Variants in RASSF8 observed in about 807,000 individuals in gnomAD.
RASSF8 encodes the protein Ras association domain family member 8.
RASSF8 carries 22 observed loss-of-function variants against 48.5 expected under a neutral mutation model. The ratio of observed to expected loss-of-function variants is 0.45; its 90% confidence interval spans 0.32 to 0.65. The LOEUF is 0.65. Ranked by LOEUF, RASSF8 falls within the 30% of genes least tolerant of loss-of-function variation. The pLI, the probability that RASSF8 is intolerant of heterozygous loss-of-function variation, is 0.03. For missense variants in RASSF8, 418 were observed against 489.2 expected (o/e 0.85, Z 1.37); for synonymous variants, 127 against 171.5 (o/e 0.74, Z 2.03).
In RASSF8 at chr12:26,020,169, G is replaced by C. The variant is rs907663199; in HGVS notation, c.-109+25039G>C. ...GGAGAGTGGTAGAGGCACAGAAGAT[G>C]ATGAGGCTGTTGAACTGTGGAGGCA... is the stretch of plus-strand genomic sequence containing the variant. On this transcript the variant is annotated intron_variant, in intron 2 of 5. Transcript: ENST00000689635. The C allele has an allele frequency of 3.9e-5, 6 of 152,174 alleles. 1 individual carries two copies. The highest frequency in any genetic ancestry group is 1.4e-4 in the African/African-American group (6 of 41,428). The allele number at this position is 152,174 out of a possible 1,614,324, so 9.4% of individuals were successfully genotyped here.
At position 26,070,965 on chromosome 12, in the gene RASSF8, G is replaced by A. The variant is rs1943986985; in HGVS notation, c.*2147G>A. On this transcript the variant is annotated 3_prime_UTR_variant, in exon 6 of 6. Transcript: ENST00000689635. ...TCCTAGCAACTTGTAGTAGTCTTGG[G>A]TTCCCAGCAGAGTATCACAGTTAAC... 1 of 984,386 alleles carries A rather than the reference G, an allele frequency of 1.0e-6. No homozygotes were observed. Among genetic ancestry groups the A allele is most frequent in the Non-Finnish European group, 1.2e-6 (1 of 829,168 alleles). The allele number at this position is 984,386 out of a possible 1,614,324, so 61.0% of individuals were successfully genotyped here.
At chr12:26,019,965 G>A (rs1942749148) in intron 2 of RASSF8, among the ~76,000 whole-genome samples, 3 of 152,164 alleles carry the variant, frequency 2.0e-5, no homozygotes, top group Non-Finnish European at 2.9e-5. Context: ...TATGGCATTT[G>A]TCTAGGATGT....
In RASSF8 at chr12:26,070,238, A is replaced by G; in HGVS notation, c.*1420A>G. The G allele has an allele frequency of 3.1e-6, 3 of 978,044 alleles. No individual in the cohort carries two copies. The highest frequency in any genetic ancestry group is 3.6e-6 in the Non-Finnish European group (3 of 823,246). 60.6% of individuals were successfully genotyped at this position (978,044 alleles called of 1,614,324 possible). On this transcript the variant is annotated 3_prime_UTR_variant, in exon 6 of 6. Transcript: ENST00000689635. ...GGATTAATATAGTAATGCCATGGTA[A>G]CAATAGAGCTATGTCTTATGCATGA...
chr12:26,019,558 A>G (rs1332506155), intron 2 of RASSF8, among the ~76,000 whole-genome samples: 1 of 142,428 alleles, frequency 7.0e-6, no homozygotes, highest in Non-Finnish European at 1.5e-5. Context: ...AAGTTCGGGC[A>G]TACACTGTGT....
At chr12:26,032,977 A>G (rs1449661825) in intron 2 of RASSF8, among the ~76,000 whole-genome samples, 2 of 152,194 alleles carry the variant, frequency 1.3e-5, no homozygotes, top group Non-Finnish European at 2.9e-5. Flanking sequence ...CTTCCTACCC[A>G]CAGAGGTCCT....
intron 1 of RASSF8, among the ~76,000 whole-genome samples, chr12:25,994,403 TC>T (rs1942085321): frequency 6.6e-6 from 1 of 152,148 alleles, no homozygotes; most frequent in Non-Finnish European, 1.5e-5. Flanking sequence ...TTGCGTCAAT[TC>T]CCATCTTGCG....
intron 1 of RASSF8, among the ~76,000 whole-genome samples, chr12:25,978,409 T>G (rs1282467194): frequency 6.6e-6 from 1 of 152,200 alleles, no homozygotes. Flanking sequence ...TTTATTAATT[T>G]TTGATATTGT....
At chr12:26,014,122 G>A (rs1410017705) in intron 2 of RASSF8, among the ~76,000 whole-genome samples, 1 of 152,222 alleles carries the variant, frequency 6.6e-6, no homozygotes, top group Non-Finnish European at 1.5e-5. Context: ...CAGCCAGCTG[G>A]TGCCTTGTGC....
At position 26,069,022 on chromosome 12, in the gene RASSF8, T is replaced by C; in HGVS notation, c.*204T>C. On this transcript the variant is annotated 3_prime_UTR_variant, in exon 6 of 6. Transcript: ENST00000689635. Reference sequence around the variant, plus strand: ...ACTGTGTTTTCACACATCAACAGTGTTGATATTTTTGTCCAGCAGCTATAA... The same window carrying C: ...ACTGTGTTTTCACACATCAACAGTGCTGATATTTTTGTCCAGCAGCTATAA... 2 of 1,261,278 alleles carry C rather than the reference T, an allele frequency of 1.6e-6. No individual in the cohort carries two copies. The highest frequency in any genetic ancestry group is 2.0e-6 in the Non-Finnish European group (2 of 1,000,070). The allele number at this position is 1,261,278 out of a possible 1,614,324, so 78.1% of individuals were successfully genotyped here.
At position 26,069,119 on chromosome 12, in the gene RASSF8, A is replaced by G; in HGVS notation, c.*301A>G. ...AGTATTATATAGTGTGTATACATAAATAAGCCGTGACTTAAGTAAGAGTGA... is the reference window on the plus strand; with the variant it reads ...AGTATTATATAGTGTGTATACATAAGTAAGCCGTGACTTAAGTAAGAGTGA... On this transcript the variant is annotated 3_prime_UTR_variant, in exon 6 of 6. Transcript: ENST00000689635. 1 of 1,002,584 alleles carries G rather than the reference A, an allele frequency of 1.0e-6. No homozygotes were observed. 62.1% of individuals were successfully genotyped at this position (1,002,584 alleles called of 1,614,324 possible). A position where few individuals can be genotyped will look rare whatever the true frequency, so the allele number is the denominator to read the frequency against.
At chr12:26,043,027 G>A (rs1295266896) in intron 2 of RASSF8, among the ~76,000 whole-genome samples, 6 of 151,902 alleles carry the variant, frequency 3.9e-5, no homozygotes, top group East Asian at 1.9e-4. Flanking sequence ...GTTTGTTTCC[G>A]TCCTGTACAA....
intron 3 of RASSF8, 150 bp downstream of exon 3, chr12:26,055,596 G>GTGTT (rs1436725095): frequency 1.4e-6 from 1 of 706,364 alleles, no homozygotes; most frequent in Non-Finnish European, 2.5e-6. Context: ...CAGTTTGCCT[G>GTGTT]TGTTTAGGTA....
At chr12:26,074,610 T>C (rs1944055358), downstream of RASSF8, among the ~76,000 whole-genome samples, 1 of 152,058 alleles carries the variant, frequency 6.6e-6, no homozygotes, top group Non-Finnish European at 1.5e-5. Context: ...CCCAAAATGC[T>C]GGGATTACAG....
rs573570046 is a variant in RASSF8, at chr12:25,965,230, C to T, written c.-203+6082C>T. Among the ~76,000 whole-genome samples the T allele has an allele frequency of 9.2e-5, 14 of 152,226 alleles. No individual in the cohort carries two copies. The South Asian group carries it at 1.5e-3, about 16-fold the overall frequency. ...TGCTGGGATTACAGGCATGAGCCAC[C>T]GTGCCCAGCCTTAAACAGCTTTATT... On this transcript the variant is annotated intron_variant, in intron 1 of 5. Transcript: ENST00000689635.
chr12:26,058,882 C>T (rs954611418), intron 3 of RASSF8, among the ~76,000 whole-genome samples: 1 of 152,178 alleles, frequency 6.6e-6, no homozygotes, highest in African/African-American at 2.4e-5. Flanking sequence ...GACAGAATAA[C>T]TAAAAGTGAA....
chr12:26,013,062 A>G (rs1396956965), intron 2 of RASSF8, among the ~76,000 whole-genome samples: 4 of 152,144 alleles, frequency 2.6e-5, no homozygotes, highest in Non-Finnish European at 5.9e-5. Context: ...AATAAAGGAG[A>G]GTATATCTCC....
chr12:26,016,107 C>T (rs1339793821), intron 2 of RASSF8, among the ~76,000 whole-genome samples: 3 of 151,876 alleles, frequency 2.0e-5, no homozygotes, highest in Non-Finnish European at 4.4e-5. Context: ...TAACTAGAGG[C>T]AGGAAGAGCT....
chr12:26,027,922 A>T (rs767580033), intron 2 of RASSF8, among the ~76,000 whole-genome samples: 1 of 152,174 alleles, frequency 6.6e-6, no homozygotes, highest in African/African-American at 2.4e-5. Context: ...GGAAAACGGG[A>T]TGTAGAAGTC....
rs1269084631 is a variant in RASSF8 at position 26,020,676 on chromosome 12, A to G, written c.-109+25546A>G. 2.0e-5 allele frequency among the ~76,000 whole-genome samples: 3 copies of G among 152,158 alleles called. No homozygotes were observed. The East Asian group carries it at 5.8e-4, about 29-fold the overall frequency. ...TATATTTAAACAATATTTAAGTTTA[A>G]AAAAAAGACTACCATTTAATACACA... On this transcript the variant is annotated intron_variant, in intron 2 of 5. Coordinates refer to ENST00000689635, the MANE Select transcript of RASSF8 (RefSeq NM_001394098.1).
Sources: gnomAD v4.1 joint callset for allele counts (sites outside exome capture counted in the v4.1 genomes callset) on GRCh38, gnomAD v4.1.1 for gene constraint, MANE v1.5 for transcripts, NCBI Gene and HGNC (gene_info 2026-07-23, HGNC 2026-07-21) for gene names.